Variants in LRRC40 observed in about 807,000 individuals in gnomAD.
LRRC40 encodes the protein leucine-rich repeat-containing protein 40.
Under a neutral mutation model 72.8 loss-of-function variants are expected in LRRC40, and 76 were observed. The observed-to-expected ratio is 1.04, with a 90% CI of 0.87 to 1.26. LRRC40 has a LOEUF of 1.26. LRRC40 is among the 50% of genes most tolerant of loss of function. The probability of loss-of-function intolerance (pLI) is 0.00; values close to 1 mark genes in which losing one functional copy is unlikely to be tolerated. For missense variants in LRRC40, 684 were observed against 698.9 expected, an observed-to-expected ratio of 0.98 and a Z score of 0.24; for synonymous variants, 243 against 254.2, an observed-to-expected ratio of 0.96 and a Z score of 0.42.
At chr1:70,205,036 G>A (rs1462232534) in intron 1 of LRRC40, among the ~76,000 whole-genome samples, 2 of 152,180 alleles carry the variant, frequency 1.3e-5, no homozygotes, top group East Asian at 1.9e-4. Flanking sequence ...ATTACAATAA[G>A]AGGAGGAAAA....
chr1:70,191,747 A>T (rs984198328), intron 1 of LRRC40, among the ~76,000 whole-genome samples: 1 of 152,188 alleles, frequency 6.6e-6, no homozygotes, highest in African/African-American at 2.4e-5. Flanking sequence ...CTATCCTACA[A>T]GTAGTTTATC....
chr1:70,181,174 A>G lies in LRRC40; in HGVS notation c.573T>C (p.Ala191=). 6.3e-7 allele frequency: 1 copy of G among 1,594,474 alleles called. No individual in the cohort carries two copies. The highest frequency in any genetic ancestry group is 8.5e-7 in the Non-Finnish European group (1 of 1,171,904). Residue 191 remains alanine, a synonymous_variant, in exon 5 of 15, where the codon GCT becomes GCC. Transcript: ENST00000370952. ...CCAGACTGGACAGAGAAGAAAAACT[A>G]GCAGGAACAGTTGTAAGATGATTGT... is the stretch of plus-strand genomic sequence containing the variant. ...LSNNHLTTVP[A]SFSSLSSLVR... is the part of the protein sequence containing the mutation.
chr1:70,153,834 G>A (rs1341096928), intron 11 of LRRC40, among the ~76,000 whole-genome samples: 6 of 151,970 alleles, frequency 3.9e-5, no homozygotes, highest in Admixed American at 3.3e-4. Flanking sequence ...TTAGTGGGGT[G>A]TGGTGGCATA....
In LRRC40 at chr1:70,188,692, C is replaced by T. The variant is rs567821851; in HGVS notation, c.333+400G>A. Among the ~76,000 whole-genome samples, 117 of 152,128 alleles carry T rather than the reference C, an allele frequency of 7.7e-4. 1 individual carries two copies. Among genetic ancestry groups the T allele is most frequent in the Middle Eastern group, 3.4e-3 (1 of 294 alleles). ...TCAAGGCTGCAGTGAGCCATGATCA[C>T]GCCACTATTTTGCCTGTGCAAAATA... On this transcript the variant is annotated intron_variant, in intron 2 of 14. Transcript: ENST00000370952.
At position 70,205,405 on chromosome 1, in the gene LRRC40, T is replaced by C; in HGVS notation, c.136A>G (p.Arg46Gly). 4 of 1,594,684 alleles carry C rather than the reference T, an allele frequency of 2.5e-6. No individual in the cohort carries two copies. The highest frequency in any genetic ancestry group is 3.4e-6 in the Non-Finnish European group (4 of 1,165,402). ...TGGGTCTTACCTTCACTGAGGTTTC[T>C]ACCCGACAGGTTTAACTGGCCGCTC... ...RKSGQLNLSGRNLSEVPQCVW... is the reference protein window; with the variant it reads ...RKSGQLNLSGGNLSEVPQCVW... Residue 46 changes from arginine to glycine, a missense_variant, in exon 1 of 15, where the codon AGA (arginine) becomes GGA (glycine). Physicochemically the swap from Arg to Gly is moderately radical, Grantham distance 125 (BLOSUM62 -2). Coordinates refer to ENST00000370952, the MANE Select transcript of LRRC40 (RefSeq NM_017768.5).
At chr1:70,165,443 A>C (rs532654747) in intron 9 of LRRC40, among the ~76,000 whole-genome samples, 3 of 152,244 alleles carry the variant, frequency 2.0e-5, no homozygotes, top group African/African-American at 7.2e-5. Flanking sequence ...ATCACAGACA[A>C]GTGCCTTTTA....
intron 1 of LRRC40, among the ~76,000 whole-genome samples, chr1:70,192,952 C>T (rs989150541): frequency 6.6e-6 from 1 of 151,922 alleles, no homozygotes; most frequent in African/African-American, 2.4e-5. Flanking sequence ...CACACGTACC[C>T]TTGAACCTAA....
rs270495 is a variant in LRRC40, at chr1:70,189,267, T to G, written c.158A>C (p.Gln53Pro). ...ATCCACATTTATTCTCCAGACACAC[T>G]GCGGCACTAGTTCCATCAGCACCAC... Reference protein sequence around the residue: ...LSGRNLSEVPQCVWRINVDIP... With the variant: ...LSGRNLSEVPPCVWRINVDIP... Residue 53 changes from glutamine (Q) to proline (P), a missense_variant, in exon 2 of 15, where the codon CAG becomes CCG. By Grantham distance (76) the Gln-to-Pro change is moderately conservative. Transcript: ENST00000370952. The G allele has an allele frequency of 3.8e-4, 601 of 1,570,520 alleles. 1 individual carries two copies. In the African/African-American group the frequency reaches 7.6e-3, roughly 20 times the overall value.
chr1:70,192,292 T>C (rs1668518478), intron 1 of LRRC40, among the ~76,000 whole-genome samples: 2 of 152,024 alleles, frequency 1.3e-5, no homozygotes, highest in Non-Finnish European at 2.9e-5. Context: ...TTTATAGGAA[T>C]GCTAGTGATT....
At chr1:70,175,290 T>C (rs1668078326) in intron 7 of LRRC40, among the ~76,000 whole-genome samples, 1 of 152,154 alleles carries the variant, frequency 6.6e-6, no homozygotes, top group African/African-American at 2.4e-5. Flanking sequence ...GGTTCCCAAT[T>C]AATTGCTGGT....
rs764390437 is a variant in LRRC40 at position 70,159,368 on chromosome 1, A to G, written c.1182T>C (p.Asn394=). The part of the protein sequence containing the change: ...AMTLPSESRV[N]IHAIITLKIL... ...TTTTTAATGTAATGATGGCATGTATATTGACTCTGGATTCACTTGGTAGTG... is the reference window on the plus strand; with the variant it reads ...TTTTTAATGTAATGATGGCATGTATGTTGACTCTGGATTCACTTGGTAGTG... The change falls in exon 10 of 15, where the codon AAT becomes AAC. Residue 394 remains asparagine (N), a synonymous_variant. Transcript: ENST00000370952. The G allele has an allele frequency of 6.3e-7, 1 of 1,583,548 alleles. No individual in the cohort carries two copies. The highest frequency in any genetic ancestry group is 2.3e-5 in the East Asian group (1 of 44,210).
At chr1:70,199,945 A>G (rs1445792584) in intron 1 of LRRC40, among the ~76,000 whole-genome samples, 3 of 152,138 alleles carry the variant, frequency 2.0e-5, no homozygotes, top group Non-Finnish European at 4.4e-5. Context: ...CTACCCAAAT[A>G]AGTTTAGGTA....
intron 11 of LRRC40, among the ~76,000 whole-genome samples, chr1:70,155,276 T>TA (rs1667611972): frequency 6.6e-6 from 1 of 152,086 alleles, no homozygotes; most frequent in Non-Finnish European, 1.5e-5. Context: ...GGCAATTCAT[T>TA]AACATAAAGC....
chr1:70,195,096 T>C (rs145256938), intron 1 of LRRC40, among the ~76,000 whole-genome samples: 21 of 152,148 alleles, frequency 1.4e-4, no homozygotes, highest in African/African-American at 4.6e-4. Flanking sequence ...ATGTAAATGA[T>C]GAAACTAAAA....
At chr1:70,152,366 AAGTT>A in intron 12 of LRRC40, 63 bp downstream of exon 12, 1 of 817,892 alleles carries the variant, frequency 1.2e-6, no homozygotes. Context: ...TAAAAAGAAT[AAGTT>A]AGACAAAACT....
chr1:70,166,721 T>G (rs991921290), intron 9 of LRRC40, among the ~76,000 whole-genome samples: 1 of 152,076 alleles, frequency 6.6e-6, no homozygotes, highest in Non-Finnish European at 1.5e-5. Context: ...TCTCTCAGGC[T>G]TTGAATATTT....
In LRRC40 at chr1:70,174,414, A is replaced by G. The variant is rs142554921; in HGVS notation, c.978-705T>C. 4.1e-3 allele frequency among the ~76,000 whole-genome samples: 623 copies of G among 152,238 alleles called. 4 individuals are homozygous for G. Among genetic ancestry groups the G allele is most frequent in the African/African-American group, 0.014 (581 of 41,576 alleles). ...GGAGTCTTTTAAACATATGGTCACT[A>G]TACAACTAAGCAAACACACTGCTAC... On this transcript the variant is annotated intron_variant, in intron 7 of 14. Coordinates refer to ENST00000370952, the MANE Select transcript of LRRC40 (RefSeq NM_017768.5).
At chr1:70,191,318 T>A (rs1668495511) in intron 1 of LRRC40, among the ~76,000 whole-genome samples, 1 of 152,098 alleles carries the variant, frequency 6.6e-6, no homozygotes, top group African/African-American at 2.4e-5. Context: ...TATACATAGG[T>A]ATATTAAGGC....
At chr1:70,169,432 A>G (rs1667956210) in intron 9 of LRRC40, among the ~76,000 whole-genome samples, 1 of 152,226 alleles carries the variant, frequency 6.6e-6, no homozygotes, top group African/African-American at 2.4e-5. Flanking sequence ...ACCAATTAGA[A>G]GGAAATAAAT....
Sources: gnomAD v4.1 joint callset for allele counts (sites outside exome capture counted in the v4.1 genomes callset) on GRCh38, gnomAD v4.1.1 for gene constraint, MANE v1.5 for transcripts, NCBI Gene and HGNC (gene_info 2026-07-23, HGNC 2026-07-21) for gene names.